Variants in DNAH11 observed in about 807,000 individuals in gnomAD.
DNAH11 encodes axonemal beta dynein heavy chain 11.
DNAH11 carries 442 observed loss-of-function variants against 526.0 expected under a neutral mutation model. The observed-to-expected ratio is 0.84, with a 90% CI of 0.78 to 0.91. DNAH11 has a LOEUF of 0.91. DNAH11 is among the 40% of genes least tolerant of loss of function. DNAH11 has a pLI of 0.00. For synonymous variants in DNAH11, 2,461 were observed against 1,935.9 expected (o/e 1.27, Z -7.12); for missense variants, 6,989 against 5,448.7 (o/e 1.28, Z -8.90).
In DNAH11 at chr7:21,755,978, T is replaced by C. The variant is rs568293704; in HGVS notation, c.8940+5614T>C. Among the ~76,000 whole-genome samples the C allele has an allele frequency of 3.9e-5, 6 of 152,280 alleles. No individual in the cohort carries two copies. In the East Asian group the frequency reaches 1.2e-3, roughly 29 times the overall value. ...ATCGATGTTATTTATATGTCCAGAA[T>C]GTTCTGGTTTTAGGTGTTTCCAGTT... On this transcript the variant is annotated intron_variant, in intron 54 of 81. Transcript: ENST00000409508.
Position 21,725,838 on chromosome 7 carries a change from C to T in DNAH11, c.7294C>T (p.Arg2432Trp), listed in dbSNP as rs188615176. 2.7e-4 allele frequency: 436 copies of T among 1,611,676 alleles called. 2 individuals are homozygous for T. The highest frequency in any genetic ancestry group is 1.5e-3 in the Admixed American group (91 of 59,816). Residue 2432 changes from arginine (R) to tryptophan (W), a missense_variant, in exon 45 of 82, where the codon CGG (arginine) becomes TGG (tryptophan). By Grantham distance (101) the Arg-to-Trp change is moderately radical (BLOSUM62 -3). Coordinates refer to ENST00000409508, the MANE Select transcript of DNAH11 (RefSeq NM_001277115.2). The part of the protein sequence containing the change: ...QISDYQADFS[R>W]WWQKEMKAVK... ...TTCTGATTATCAAGCTGACTTCAGTCGGTGGTGGCAGAAAGAGATGAAAGC... is the reference window on the plus strand; with the variant it reads ...TTCTGATTATCAAGCTGACTTCAGTTGGTGGTGGCAGAAAGAGATGAAAGC...
chr7:21,772,605 A>G (rs1787487754), intron 55 of DNAH11, among the ~76,000 whole-genome samples: 1 of 152,098 alleles, frequency 6.6e-6, no homozygotes, highest in Admixed American at 6.5e-5. Context: ...TTGGAAATAT[A>G]TTTGTATCTG....
At chr7:21,632,073 A>T (rs1786641427) in intron 25 of DNAH11, among the ~76,000 whole-genome samples, 1 of 152,162 alleles carries the variant, frequency 6.6e-6, no homozygotes, top group Admixed American at 6.5e-5. Context: ...ACTCAACACC[A>T]CATGGAAGCT....
chr7:21,543,318 GC>G lies in DNAH11; in HGVS notation c.75del (p.Gly26AlafsTer43), dbSNP rs1782656120. On this transcript the variant is annotated frameshift_variant, in exon 1 of 82. Transcript: ENST00000409508. LOFTEE classifies it high-confidence loss of function. Reference protein sequence around the residue: ...EAPTLRLTSGAGLEAVGAVEL... With the variant: ...EAPTLRLTSGXGLEAVGAVEL... ...CCCGACCCTTCGCCTAACCTCGGGG[GC>G]CGGCCTGGAGGCAGTGGGCGCTGTG... 2 of 1,549,980 alleles carry G rather than the reference GC, an allele frequency of 1.3e-6. No individual in the cohort carries two copies. The highest frequency in any genetic ancestry group is 2.7e-5 in the African/African-American group (2 of 73,040).
intron 54 of DNAH11, among the ~76,000 whole-genome samples, chr7:21,758,510 C>G (rs1310689031): frequency 6.6e-6 from 1 of 151,972 alleles, no homozygotes; most frequent in Non-Finnish European, 1.5e-5. Context: ...GAGCAAAGGC[C>G]AACCCAGCCA....
chr7:21,858,355 C>T (rs892404527), intron 68 of DNAH11, among the ~76,000 whole-genome samples: 17 of 152,192 alleles, frequency 1.1e-4, no homozygotes, highest in African/African-American at 3.6e-4. Flanking sequence ...AATATGATCT[C>T]ACACTTTTAC....
At chr7:21,649,711 G>A (rs1239249224) in intron 28 of DNAH11, among the ~76,000 whole-genome samples, 1 of 149,192 alleles carries the variant, frequency 6.7e-6, no homozygotes, top group Non-Finnish European at 1.5e-5. Context: ...ATGCTGGAGT[G>A]CTGGAGTGCA....
At chr7:21,720,947 G>A in intron 44 of DNAH11, 91 bp downstream of exon 44, 1 of 1,475,194 alleles carries the variant, frequency 6.8e-7, no homozygotes, top group Admixed American at 2.1e-5. Context: ...GTACCTTTTT[G>A]TTATGTTATA....
At chr7:21,857,047 A>G (rs1240432479) in intron 68 of DNAH11, among the ~76,000 whole-genome samples, 1 of 152,168 alleles carries the variant, frequency 6.6e-6, no homozygotes, top group Non-Finnish European at 1.5e-5. Flanking sequence ...TTCACAGATG[A>G]CCTGATTATG....
chr7:21,640,527 T>C (rs1285391130), intron 28 of DNAH11, among the ~76,000 whole-genome samples: 1 of 152,140 alleles, frequency 6.6e-6, no homozygotes, highest in Non-Finnish European at 1.5e-5. Flanking sequence ...TTAATCATAT[T>C]ATTTAAATAC....
At chr7:21,863,159 G>A (rs541965851) in intron 69 of DNAH11, among the ~76,000 whole-genome samples, 36 of 151,502 alleles carry the variant, frequency 2.4e-4, no homozygotes, top group Admixed American at 2.1e-3. Context: ...TAAGCAGATT[G>A]TCCTTTTATC....
chr7:21,776,862 T>C (rs1010447856), intron 56 of DNAH11, among the ~76,000 whole-genome samples: 1 of 152,152 alleles, frequency 6.6e-6, no homozygotes, highest in Admixed American at 6.5e-5. Flanking sequence ...GCATAACTAG[T>C]ACAATGCCAA....
chr7:21,569,089 C>G (rs1008106808), intron 6 of DNAH11, among the ~76,000 whole-genome samples: 1 of 152,124 alleles, frequency 6.6e-6, no homozygotes, highest in Non-Finnish European at 1.5e-5. Context: ...TATTGCCTTA[C>G]AAATTCATGG....
intron 46 of DNAH11, among the ~76,000 whole-genome samples, chr7:21,736,660 T>A (rs1785624663): frequency 6.6e-6 from 1 of 152,164 alleles, no homozygotes; most frequent in Non-Finnish European, 1.5e-5. Flanking sequence ...TTTTTGTTAA[T>A]CATTTGGTCT....
intron 15 of DNAH11, 67 bp downstream of exon 15, chr7:21,600,186 A>G (rs1785022621): frequency 5.2e-6 from 7 of 1,356,902 alleles, no homozygotes; most frequent in African/African-American, 1.5e-5. Flanking sequence ...GTGGCTGAGT[A>G]TGGTAGCTCA....
chr7:21,869,722 T>C (rs990900747), intron 73 of DNAH11, among the ~76,000 whole-genome samples: 1 of 152,228 alleles, frequency 6.6e-6, no homozygotes, highest in African/African-American at 2.4e-5. Flanking sequence ...CATTATCTCA[T>C]ACAAGTCCAA....
intron 14 of DNAH11, among the ~76,000 whole-genome samples, chr7:21,598,027 G>C (rs1358449534): frequency 2.0e-5 from 3 of 151,960 alleles, no homozygotes; most frequent in Non-Finnish European, 4.4e-5. Context: ...TGAGAGCTAG[G>C]GTTCTCTCAT....
At chr7:21,640,628 C>G (rs954753177) in intron 28 of DNAH11, among the ~76,000 whole-genome samples, 1 of 152,096 alleles carries the variant, frequency 6.6e-6, no homozygotes, top group Non-Finnish European at 1.5e-5. Flanking sequence ...AATGACTAAT[C>G]TCACATGTGC....
At chr7:21,578,678 C>G (rs564058961) in intron 8 of DNAH11, among the ~76,000 whole-genome samples, 47 of 152,340 alleles carry the variant, frequency 3.1e-4, no homozygotes, top group African/African-American at 1.1e-3. Flanking sequence ...GAGCTGTGCT[C>G]CTGCAACTGA....
Sources: allele counts gnomAD v4.1 joint callset (sites outside exome capture counted in the v4.1 genomes callset), GRCh38; gene constraint gnomAD v4.1.1; transcripts MANE v1.5; gene names NCBI Gene and HGNC (gene_info 2026-07-23, HGNC 2026-07-21).